The following WDR59 variants were observed in gnomAD, a reference collection of about 807,000 sequenced individuals.
The protein encoded by WDR59 is WD repeat domain 59.
A neutral mutation model predicts 131.2 loss-of-function variants in WDR59; 100 were observed. The observed-to-expected ratio is 0.76, with a 90% CI of 0.65 to 0.90. The LOEUF (loss-of-function observed/expected upper bound fraction) is 0.90, where lower values mean the gene tolerates loss of function less well. WDR59 is among the 40% of genes least tolerant of loss of function. WDR59 has a pLI of 0.00. For synonymous variants in WDR59, 601 were observed against 466.2 expected (o/e 1.29, Z -3.72); for missense variants, 1,203 against 1,262.2 (o/e 0.95, Z 0.71).
chr16:74,949,558 G>T (rs564309663), intron 5 of WDR59, among the ~76,000 whole-genome samples, 160 bp downstream of exon 5: 1 of 151,972 alleles, frequency 6.6e-6, no homozygotes, highest in Non-Finnish European at 1.5e-5. Flanking sequence ...CCCTACAACT[G>T]TGTCTTTCAC....
chr16:74,897,123 C>T (rs558043273), intron 18 of WDR59, among the ~76,000 whole-genome samples: 2 of 152,326 alleles, frequency 1.3e-5, no homozygotes, highest in Admixed American at 6.5e-5. Flanking sequence ...TGGATTCCAG[C>T]GATGCCTGTC....
Position 74,928,163 on chromosome 16 carries a change from C to G in WDR59, c.652-4160G>C, listed in dbSNP as rs900910780. On this transcript the variant is annotated intron_variant, in intron 8 of 25. Transcript: ENST00000262144. ...CATCGTGATCCACTCACCCCAGCCTCCCAAAGTGCTGGGATTACAGGTGTG... is the reference window on the plus strand; with the variant it reads ...CATCGTGATCCACTCACCCCAGCCTGCCAAAGTGCTGGGATTACAGGTGTG... Among the ~76,000 whole-genome samples the G allele has an allele frequency of 2.0e-5, 3 of 151,030 alleles. 1 individual carries two copies. The highest frequency in any genetic ancestry group is 7.3e-5 in the African/African-American group (3 of 41,076).
chr16:74,917,981 C>T lies in WDR59; in HGVS notation c.914G>A (p.Trp305Ter), dbSNP rs1966474371. 6.2e-7 allele frequency: 1 copy of T among 1,613,860 alleles called. No homozygotes were observed. The highest frequency in any genetic ancestry group is 8.5e-7 in the Non-Finnish European group (1 of 1,179,972). Residue 305 changes from tryptophan to a stop codon, truncating the protein, a stop_gained, in exon 11 of 26, where the codon TGG (tryptophan) becomes TAG (stop). Transcript: ENST00000262144. LOFTEE classifies it high-confidence loss of function. ...EGSKDYQLVTWSRDQTLRMWR... is the reference protein window; with the variant it reads ...EGSKDYQLVT ...CATTCTCAAGGTCTGATCCCGGGAC[C>T]ACGTCACCAGTTGATAGTCCTTGGA...
chr16:74,948,938 C>G (rs1451141172), intron 5 of WDR59, among the ~76,000 whole-genome samples: 1 of 152,078 alleles, frequency 6.6e-6, no homozygotes. Context: ...GCAGAGGTTG[C>G]AGTGAGCCAA....
chr16:74,919,282 C>G (rs907568000), intron 10 of WDR59, among the ~76,000 whole-genome samples: 1 of 151,964 alleles, frequency 6.6e-6, no homozygotes, highest in Admixed American at 6.6e-5. Flanking sequence ...TCATGCCACC[C>G]TATGATCTGG....
intron 18 of WDR59, chr16:74,899,888 T>C (rs1965465970): frequency 1.5e-6 from 1 of 651,692 alleles, no homozygotes; most frequent in South Asian, 1.8e-5. Flanking sequence ...ACTGTACAGT[T>C]GGGATGGGAA....
At chr16:74,887,782 A>G in intron 22 of WDR59, 27 bp from the exon 23 acceptor site, 3 of 1,601,484 alleles carry the variant, frequency 1.9e-6, no homozygotes, top group South Asian at 1.1e-5. Flanking sequence ...AAGAACCAAC[A>G]GGACTAGCAT....
intron 1 of WDR59, among the ~76,000 whole-genome samples, chr16:74,979,699 C>T (rs1374044300): frequency 6.6e-6 from 1 of 151,100 alleles, no homozygotes; most frequent in African/African-American, 2.4e-5. Flanking sequence ...CACCACCACA[C>T]CCGGCTAATT....
At chr16:74,886,437 A>G in intron 23 of WDR59, 41 bp from the exon 24 acceptor site, 1 of 1,603,488 alleles carries the variant, frequency 6.2e-7, no homozygotes. Flanking sequence ...GCAATCAGAG[A>G]AGGCATGGAA....
At chr16:74,907,347 G>C (rs1241621445) in intron 17 of WDR59, among the ~76,000 whole-genome samples, 3 of 152,192 alleles carry the variant, frequency 2.0e-5, no homozygotes, top group African/African-American at 4.8e-5. Context: ...ACAGTGGGAG[G>C]TGATTGGATC....
chr16:74,943,820 C>T (rs764201897), intron 6 of WDR59, among the ~76,000 whole-genome samples: 36 of 152,188 alleles, frequency 2.4e-4, no homozygotes, highest in Non-Finnish European at 4.6e-4. Flanking sequence ...TCTAACAGGA[C>T]ATACAGCATT....
chr16:74,904,299 T>G, intron 17 of WDR59, 199 bp from the exon 18 acceptor site: 2 of 587,398 alleles, frequency 3.4e-6, no homozygotes, highest in South Asian at 4.3e-5. Context: ...ATTACAGACA[T>G]AAAAAATTCA....
chr16:74,981,660 A>ATATATATATATATATATTTT (rs1567451007), intron 1 of WDR59, among the ~76,000 whole-genome samples: 1 of 80,878 alleles, frequency 1.2e-5, no homozygotes, highest in African/African-American at 7.3e-5. Flanking sequence ...ATATATATAT[A>ATATATATATATATATATTTT]TTTTTTTTTT....
chr16:74,939,219 G>C (rs2032036735), intron 7 of WDR59, among the ~76,000 whole-genome samples: 1 of 152,018 alleles, frequency 6.6e-6, no homozygotes, highest in African/African-American at 2.4e-5. Context: ...GGGATTACAG[G>C]TTTGAGCCAC....
chr16:74,959,013 C>T (rs186507754), intron 2 of WDR59, among the ~76,000 whole-genome samples: 15 of 152,184 alleles, frequency 9.9e-5, no homozygotes, highest in Middle Eastern at 3.4e-3. Context: ...GAGCCGAGAT[C>T]GCACCATTGC....
chr16:74,965,633 C>A (rs1360913611), intron 2 of WDR59, 140 bp downstream of exon 2: 1 of 982,882 alleles, frequency 1.0e-6, no homozygotes, highest in South Asian at 1.5e-5. Context: ...CTCCGAGTAG[C>A]CCTGAGGCAA....
At chr16:74,972,614 A>G (rs2034028236) in intron 1 of WDR59, among the ~76,000 whole-genome samples, 1 of 151,730 alleles carries the variant, frequency 6.6e-6, no homozygotes, top group African/African-American at 2.4e-5. Context: ...TGGGTGGATC[A>G]TTTCAGGTTA....
At chr16:74,951,988 G>GTT (rs556294906) in intron 3 of WDR59, among the ~76,000 whole-genome samples, 2 of 142,710 alleles carry the variant, frequency 1.4e-5, no homozygotes. Context: ...ACAGGTTTTT[G>GTT]TTTTTTTTTT....
intron 8 of WDR59, among the ~76,000 whole-genome samples, chr16:74,927,589 A>AG (rs1306004663): frequency 1.4e-5 from 2 of 144,686 alleles, no homozygotes; most frequent in Non-Finnish European, 3.0e-5. Context: ...CTCCATCTCA[A>AG]AAAAAAAAAA....
Sources: allele counts gnomAD v4.1 joint callset (sites outside exome capture counted in the v4.1 genomes callset), GRCh38; gene constraint gnomAD v4.1.1; transcripts MANE v1.5; gene names NCBI Gene and HGNC (gene_info 2026-07-23, HGNC 2026-07-21).